The following HDX variants were observed in gnomAD, a reference collection of about 807,000 sequenced individuals.
The protein encoded by HDX is chromosome X open reading frame 43.
HDX carries 19 observed loss-of-function variants against 45.2 expected under a neutral mutation model. That is an observed-to-expected ratio of 0.42 (90% confidence interval 0.29 to 0.62). HDX has a LOEUF of 0.62. Among genes scored for constraint, HDX ranks in the 20% least tolerant of loss-of-function variants. The pLI is 0.20. For synonymous variants in HDX, 188 were observed against 172.8 expected (o/e 1.09, Z -0.69); for missense variants, 532 against 493.9 (o/e 1.08, Z -0.73).
chrX:84,332,205 A>T (rs1338371675), intron 9 of HDX, among the ~76,000 whole-genome samples: 2 of 111,501 alleles, frequency 1.8e-5, no homozygotes, highest in African/African-American at 6.5e-5. Context: ...GAAAAATTTT[A>T]AAATCATGAT....
intron 5 of HDX, among the ~76,000 whole-genome samples, chrX:84,410,502 C>A (rs961253345): frequency 1.8e-5 from 2 of 111,354 alleles, no homozygotes; most frequent in Non-Finnish European, 3.8e-5. Context: ...TCTTGAATCC[C>A]AGGAAGAAAA....
At chrX:84,417,004 A>T (rs2039118415) in intron 5 of HDX, among the ~76,000 whole-genome samples, 4 of 107,661 alleles carry the variant, frequency 3.7e-5, no homozygotes, top group Non-Finnish European at 5.8e-5. Flanking sequence ...AAAATACAAA[A>T]ATTAGCCGGG....
At chrX:84,342,216 C>T (rs953526622) in intron 7 of HDX, among the ~76,000 whole-genome samples, 2 of 111,465 alleles carry the variant, frequency 1.8e-5, no homozygotes, top group Non-Finnish European at 3.8e-5. Context: ...AAATTCAATA[C>T]GTGCAAAGCT....
chrX:84,428,090 G>C (rs2039422881), intron 5 of HDX, among the ~76,000 whole-genome samples: 1 of 110,382 alleles, frequency 9.1e-6, no homozygotes, highest in African/African-American at 3.3e-5. Flanking sequence ...ATCTCCTTTG[G>C]TGAAGTGTCT....
chrX:84,455,897 C>T (rs1373968066), intron 4 of HDX, among the ~76,000 whole-genome samples: 1 of 112,354 alleles, frequency 8.9e-6, no homozygotes, highest in Non-Finnish European at 1.9e-5. Context: ...GGAAACCTTA[C>T]TTGCCAGGAG....
intron 5 of HDX, among the ~76,000 whole-genome samples, chrX:84,362,162 A>C (rs1380855049): frequency 9.0e-6 from 1 of 111,577 alleles, no homozygotes; most frequent in African/African-American, 3.3e-5. Context: ...TAAGGAGATC[A>C]CGTAGCCCTA....
intron 2 of HDX, 112 bp downstream of exon 2, chrX:84,487,912 G>C (rs944241867): frequency 3.6e-5 from 4 of 112,185 alleles, no homozygotes; most frequent in Non-Finnish European, 7.5e-5. Flanking sequence ...TGTTGGGACT[G>C]CCAGCTGCTA....
intron 5 of HDX, among the ~76,000 whole-genome samples, chrX:84,372,376 A>G (rs1055936652): frequency 8.9e-6 from 1 of 111,891 alleles, no homozygotes; most frequent in African/African-American, 3.2e-5. Context: ...CATAGCCTTA[A>G]TTAAAAAGAA....
chrX:84,497,607 T>G (rs1337007534), intron 1 of HDX, among the ~76,000 whole-genome samples: 1 of 105,578 alleles, frequency 9.5e-6, no homozygotes, highest in Non-Finnish European at 1.9e-5. Context: ...TCATCTCCAC[T>G]AAGGAAAAAA....
rs140087007 is a variant in HDX at position 84,474,791 on chromosome X, T to C, written c.147+460A>G. 4.3e-3 allele frequency among the ~76,000 whole-genome samples: 481 copies of C among 112,185 alleles called. 5 individuals carry two copies. The highest frequency in any genetic ancestry group is 0.015 in the African/African-American group (452 of 30,874). On this transcript the variant is annotated intron_variant, in intron 3 of 10. Coordinates refer to ENST00000373177, the MANE Select transcript of HDX (RefSeq NM_001177479.2). Reference sequence around the variant, plus strand: ...TCCTTGTCCCTTACTTGCTAACCCATTAAACTGCATGCATTTTATTTAGAA... The same window carrying C: ...TCCTTGTCCCTTACTTGCTAACCCACTAAACTGCATGCATTTTATTTAGAA...
intron 3 of HDX, among the ~76,000 whole-genome samples, chrX:84,473,391 T>C (rs138040443): frequency 0.039 from 4,158 of 107,169 alleles, 86 homozygotes; most frequent in Middle Eastern, 0.16. Context: ...ACAAAAAAAT[T>C]CCTTTTGCCC....
chrX:84,487,714 C>G (rs1034222925), intron 2 of HDX, among the ~76,000 whole-genome samples: 1 of 112,242 alleles, frequency 8.9e-6, no homozygotes, highest in Non-Finnish European at 1.9e-5. Flanking sequence ...CCATGATTCT[C>G]CACTCACTGT....
chrX:84,432,790 C>T (rs1161674121), intron 5 of HDX, among the ~76,000 whole-genome samples: 1 of 111,013 alleles, frequency 9.0e-6, no homozygotes, highest in Admixed American at 9.6e-5. Context: ...TTGACTTTCT[C>T]TCTTCCTACT....
At chrX:84,402,697 C>T (rs1049605258) in intron 5 of HDX, among the ~76,000 whole-genome samples, 5 of 111,320 alleles carry the variant, frequency 4.5e-5, no homozygotes, top group African/African-American at 9.8e-5. Context: ...TGGGTAACTA[C>T]CTAAGAATGT....
intron 3 of HDX, among the ~76,000 whole-genome samples, chrX:84,474,778 A>C (rs2148153208): frequency 8.9e-6 from 1 of 112,270 alleles, no homozygotes; most frequent in South Asian, 3.6e-4. Context: ...CTTGTCCCTT[A>C]CTTGCTAACC....
At chrX:84,429,257 C>A (rs2039450518) in intron 5 of HDX, among the ~76,000 whole-genome samples, 1 of 92,137 alleles carries the variant, frequency 1.1e-5, no homozygotes, top group Non-Finnish European at 2.4e-5. Flanking sequence ...TGTTTTAAAT[C>A]TATAAATAAT....
At chrX:84,416,381 G>A (rs1466247799) in intron 5 of HDX, among the ~76,000 whole-genome samples, 2 of 111,698 alleles carry the variant, frequency 1.8e-5, no homozygotes, top group Non-Finnish European at 3.8e-5. Flanking sequence ...GATTTTATTT[G>A]GATGTGAGGT....
intron 5 of HDX, among the ~76,000 whole-genome samples, chrX:84,415,206 T>C (rs2039076184): frequency 8.9e-6 from 1 of 112,103 alleles, no homozygotes; most frequent in Non-Finnish European, 1.9e-5. Flanking sequence ...TTTATACCAC[T>C]TTTCTACTGC....
At chrX:84,431,920 G>A (rs189398664) in intron 5 of HDX, among the ~76,000 whole-genome samples, 1 of 111,052 alleles carries the variant, frequency 9.0e-6, no homozygotes, top group East Asian at 2.8e-4. Context: ...TCAGTCCTAT[G>A]TACAGAATAT....
Sources: gnomAD v4.1 joint callset for allele counts (sites outside exome capture counted in the v4.1 genomes callset) on GRCh38, gnomAD v4.1.1 for gene constraint, MANE v1.5 for transcripts, NCBI Gene and HGNC (gene_info 2026-07-23, HGNC 2026-07-21) for gene names.